The following ANKAR variants were observed in gnomAD, a reference collection of about 807,000 sequenced individuals.
ANKAR encodes ankyrin and armadillo repeat-containing protein.
In ANKAR, 136 loss-of-function variants were observed where a neutral mutation model predicts 146.2. The observed-to-expected ratio is 0.93, with a 90% CI of 0.81 to 1.07. The LOEUF is 1.07. Ranked by LOEUF, ANKAR falls within the 50% of genes least tolerant of loss-of-function variation. The pLI is 0.00. For missense variants in ANKAR, 1,567 were observed against 1,679.9 expected, an observed-to-expected ratio of 0.93 and a Z score of 1.18; for synonymous variants, 500 against 575.8, an observed-to-expected ratio of 0.87 and a Z score of 1.88.
intron 17 of ANKAR, among the ~76,000 whole-genome samples, chr2:189,734,438 T>G (rs986822956): frequency 2.6e-5 from 4 of 152,176 alleles, no homozygotes; most frequent in Non-Finnish European, 5.9e-5. Flanking sequence ...TTATTCTCAG[T>G]TTTGTTATCC....
downstream of ANKAR, among the ~76,000 whole-genome samples, chr2:189,749,967 CAAA>C (rs1484702909): frequency 6.6e-6 from 1 of 151,910 alleles, no homozygotes; most frequent in African/African-American, 2.4e-5. Flanking sequence ...ACTAAAAAAA[CAAA>C]AAATTAGCCA....
At chr2:189,704,047 C>T (rs928074109) in intron 7 of ANKAR, among the ~76,000 whole-genome samples, 1 of 151,980 alleles carries the variant, frequency 6.6e-6, no homozygotes, top group African/African-American at 2.4e-5. Flanking sequence ...GTATGAATTG[C>T]TATTATGCTT....
chr2:189,688,982 G>A (rs1310863859), intron 2 of ANKAR, among the ~76,000 whole-genome samples: 2 of 152,124 alleles, frequency 1.3e-5, no homozygotes, highest in African/African-American at 2.4e-5. Context: ...TTCAGCATCT[G>A]TTGGTGAACG....
chr2:189,719,503 A>G, intron 10 of ANKAR, 69 bp from the exon 11 acceptor site: 1 of 1,319,440 alleles, frequency 7.6e-7, no homozygotes, highest in Non-Finnish European at 1.0e-6. Flanking sequence ...AAATATTGCC[A>G]TGATAAATTG....
chr2:189,696,826 T>C (rs1319151488), intron 7 of ANKAR, among the ~76,000 whole-genome samples: 1 of 152,162 alleles, frequency 6.6e-6, no homozygotes, highest in African/African-American at 2.4e-5. Context: ...AGTAGAACAA[T>C]CATTCTTTAT....
At chr2:189,691,398 T>G (rs1191951909) in intron 3 of ANKAR, among the ~76,000 whole-genome samples, 1 of 152,200 alleles carries the variant, frequency 6.6e-6, no homozygotes, top group Non-Finnish European at 1.5e-5. Context: ...GTAGTTTCAT[T>G]ACTTTCCAGA....
intron 18 of ANKAR, among the ~76,000 whole-genome samples, chr2:189,756,709 ATTTAAG>A (rs1172297977): frequency 3.3e-5 from 5 of 151,996 alleles, no homozygotes; most frequent in East Asian, 3.9e-4. Flanking sequence ...CACTCTCCGC[ATTTAAG>A]TTTATCACCA....
chr2:189,703,701 G>A (rs942017499), intron 7 of ANKAR, among the ~76,000 whole-genome samples: 5 of 152,168 alleles, frequency 3.3e-5, no homozygotes, highest in African/African-American at 1.2e-4. Flanking sequence ...AGTTCATTTG[G>A]ATATTAGGAC....
chr2:189,707,463 A>AC lies in ANKAR; in HGVS notation c.2119+317_2119+318insC, dbSNP rs2039104126. 4.0e-5 allele frequency among the ~76,000 whole-genome samples: 6 copies of AC among 148,842 alleles called. No homozygotes were observed. In the South Asian group the frequency reaches 1.2e-3, roughly 31 times the overall value. On this transcript the variant is annotated intron_variant, in intron 9 of 22. Coordinates refer to ENST00000684021, the MANE Select transcript of ANKAR (RefSeq NM_001378068.1). ...ATCCTCTCCTTCATCAAAAAAAAAA[A>AC]AAAAAAAAAAAAGGAAAGAGGAAAT...
rs760374935 is a variant in ANKAR at position 189,677,109 on chromosome 2, T to G, written c.601+18T>G. 6.9e-7 allele frequency: 1 copy of G among 1,439,760 alleles called. No homozygotes were observed. 89.2% of individuals were successfully genotyped at this position (1,439,760 alleles called of 1,614,324 possible). On this transcript the variant is annotated intron_variant, in intron 2 of 22. Transcript: ENST00000684021. ...TTCAGCAGGTAAGAGAATTTAACAC[T>G]TCTTAAATTTTTTTTTTTTTTTTTT...
chr2:189,738,762 A>C lies in ANKAR; in HGVS notation c.3700+80A>C, dbSNP rs936459008. ...TTTATTGTAATCTGAATAATAATAA[A>C]ATAATACGCCTGATACACTGCCACA... is the stretch of plus-strand genomic sequence containing the variant. On this transcript the variant is annotated intron_variant, in intron 19 of 22. Transcript: ENST00000684021. 1.3e-5 allele frequency: 11 copies of C among 854,646 alleles called. No individual in the cohort carries two copies. In the East Asian group the frequency reaches 2.9e-4, roughly 22 times the overall value. The allele number at this position is 854,646 out of a possible 1,614,324, so 52.9% of individuals were successfully genotyped here.
intron 10 of ANKAR, among the ~76,000 whole-genome samples, chr2:189,714,966 AAGAG>A (rs759644739): frequency 1.0e-4 from 13 of 123,914 alleles, no homozygotes; most frequent in East Asian, 2.5e-4. Flanking sequence ...AAAAAAAAAA[AAGAG>A]AGAGAGAGAG....
At chr2:189,694,304 G>C (rs2036870688) in intron 5 of ANKAR, among the ~76,000 whole-genome samples, 1 of 152,160 alleles carries the variant, frequency 6.6e-6, no homozygotes, top group Admixed American at 6.5e-5. Flanking sequence ...ATTAAGAGGT[G>C]TCCCACTGAC....
rs750456728 is a variant in ANKAR, at chr2:189,728,072, CTAAAT to C, written c.2853_2857del (p.Lys952SerfsTer13). On this transcript the variant is annotated frameshift_variant, in exon 13 of 23. Transcript: ENST00000684021. LOFTEE classifies it high-confidence loss of function. ...AAAGCATTTCTGGAAAAATCGTTAACTAAATATCTTTTAAAACTCCTAAAGGTAGG... is the reference window on the plus strand; with the variant it reads ...AAAGCATTTCTGGAAAAATCGTTAACATCTTTTAAAACTCCTAAAGGTAGG... 64 of 1,612,262 alleles carry C rather than the reference CTAAAT, an allele frequency of 4.0e-5. No homozygotes were observed. The highest frequency in any genetic ancestry group is 3.3e-4 in the Middle Eastern group (2 of 6,072).
At chr2:189,718,328 A>G (rs55812628) in intron 10 of ANKAR, among the ~76,000 whole-genome samples, 3 of 7,704 alleles carry the variant, frequency 3.9e-4, no homozygotes, top group East Asian at 9.8e-3. Flanking sequence ...CTGTCTGTCT[A>G]TCTGTCTGTC....
chr2:189,745,821 A>ATG (rs1189227929), intron 22 of ANKAR, among the ~76,000 whole-genome samples: 2 of 152,212 alleles, frequency 1.3e-5, no homozygotes, highest in Non-Finnish European at 2.9e-5. Flanking sequence ...GAAGCTAGGT[A>ATG]TGTGGGGAGG....
intron 22 of ANKAR, among the ~76,000 whole-genome samples, chr2:189,745,885 A>G (rs932268643): frequency 4.6e-5 from 7 of 152,200 alleles, no homozygotes; most frequent in Admixed American, 4.6e-4. Context: ...CATTTTTTAT[A>G]TAGCTTCTTG....
intron 16 of ANKAR, 83 bp downstream of exon 16, chr2:189,730,684 C>T (rs1313330648): frequency 1.7e-6 from 1 of 593,120 alleles, no homozygotes; most frequent in Non-Finnish European, 2.6e-6. Context: ...TATTCAAGTT[C>T]ATAAACATAA....
rs544062450 is a variant in ANKAR, at chr2:189,710,354, A to G, written c.2120-695A>G. Reference sequence around the variant, plus strand: ...TCATACCTAATTTAATGGATATGAAATTTTTATTGACAATACTGTGGATTA... The same window carrying G: ...TCATACCTAATTTAATGGATATGAAGTTTTTATTGACAATACTGTGGATTA... On this transcript the variant is annotated intron_variant, in intron 9 of 22. Coordinates refer to ENST00000684021, the MANE Select transcript of ANKAR (RefSeq NM_001378068.1). Among the ~76,000 whole-genome samples, 4 of 152,310 alleles carry G rather than the reference A, an allele frequency of 2.6e-5. No homozygotes were observed. In the South Asian group the frequency reaches 8.3e-4, roughly 32 times the overall value.
Sources: gnomAD v4.1 joint callset for allele counts (sites outside exome capture counted in the v4.1 genomes callset) on GRCh38, gnomAD v4.1.1 for gene constraint, MANE v1.5 for transcripts, NCBI Gene and HGNC (gene_info 2026-07-23, HGNC 2026-07-21) for gene names.